NRAP: variants seen among roughly 807,000 people sequenced by gnomAD.
NRAP encodes the protein nebulin related anchoring protein, also known as nebulin-related-anchoring protein.
Under a neutral mutation model 225.9 loss-of-function variants are expected in NRAP, and 189 were observed. That is an observed-to-expected ratio of 0.84 (90% CI 0.74 to 0.94). The LOEUF (loss-of-function observed/expected upper bound fraction) is 0.94, where lower values mean the gene tolerates loss of function less well. Among genes scored for constraint, NRAP ranks in the 40% least tolerant of loss-of-function variants. The pLI is 0.00. For synonymous variants in NRAP, 769 were observed against 790.7 expected (o/e 0.97, Z 0.46); for missense variants, 2,176 against 2,168.7 (o/e 1.00, Z -0.07).
chr10:113,593,587 C>G lies in NRAP; in HGVS notation c.4537-1286G>C, dbSNP rs138646615. ...TGGGATAATCACCTAACTGATGAAT[C>G]ACAGAGCCAAAATGATTAGATTTAC... On this transcript the variant is annotated intron_variant, in intron 38 of 41. Transcript: ENST00000359988. 6.1e-4 allele frequency among the ~76,000 whole-genome samples: 93 copies of G among 152,316 alleles called. 1 individual carries two copies. Among genetic ancestry groups the G allele is most frequent in the African/African-American group, 2.2e-3 (91 of 41,568 alleles).
intron 18 of NRAP, among the ~76,000 whole-genome samples, chr10:113,630,356 T>C (rs1017125376): frequency 1.3e-4 from 20 of 152,184 alleles, no homozygotes; most frequent in Admixed American, 1.2e-3. Flanking sequence ...GTGGTGATGG[T>C]AGTGATGATG....
At chr10:113,643,963 G>A (rs1031971374) in intron 11 of NRAP, among the ~76,000 whole-genome samples, 3 of 151,466 alleles carry the variant, frequency 2.0e-5, no homozygotes, top group South Asian at 2.1e-4. Flanking sequence ...GCCAGCAGAC[G>A]GGGTTTCACC....
At chr10:113,639,155 G>T (rs1021187422) in intron 14 of NRAP, among the ~76,000 whole-genome samples, 3 of 93,790 alleles carry the variant, frequency 3.2e-5, no homozygotes, top group Non-Finnish European at 5.1e-5. Flanking sequence ...TTTGTGAAAT[G>T]AGTAAGTCAA....
At chr10:113,624,001 C>T (rs939606415) in intron 22 of NRAP, among the ~76,000 whole-genome samples, 19 of 152,184 alleles carry the variant, frequency 1.2e-4, no homozygotes, top group Admixed American at 1.2e-3. Flanking sequence ...CTGCCAGCAG[C>T]GGCTCCAGCT....
rs1845756435 is a variant in NRAP at position 113,589,009 on chromosome 10, A to G, written c.5159T>C (p.Leu1720Pro). 6.2e-7 allele frequency: 1 copy of G among 1,613,928 alleles called. No homozygotes were observed. Among genetic ancestry groups the G allele is most frequent in the South Asian group, 1.1e-5 (1 of 91,064 alleles). ...GEVNPDATEI[L>P]HVKKKKALLL Reference sequence around the variant, plus strand: ...CAGGGCCTTCTTCTTTTTGACGTGCAGAATCTCAGTGGCATCTGGGTTCAC... The same window carrying G: ...CAGGGCCTTCTTCTTTTTGACGTGCGGAATCTCAGTGGCATCTGGGTTCAC... The change falls in exon 42 of 42, where the codon CTG becomes CCG. Residue 1720 changes from leucine (L) to proline (P), a missense_variant. Coordinates refer to ENST00000359988, the MANE Select transcript of NRAP (RefSeq NM_198060.4).
At chr10:113,608,351 G>T in intron 32 of NRAP, 63 bp downstream of exon 32, 1 of 980,672 alleles carries the variant, frequency 1.0e-6, no homozygotes. Flanking sequence ...ACACATTCAC[G>T]TGTATTTTTA....
At chr10:113,656,481 C>T (rs892121119) in intron 4 of NRAP, among the ~76,000 whole-genome samples, 1 of 152,190 alleles carries the variant, frequency 6.6e-6, no homozygotes, top group Non-Finnish European at 1.5e-5. Context: ...GTGTCCTTAA[C>T]CTTGGCAAAA....
At chr10:113,644,369 C>A (rs1849381020) in intron 11 of NRAP, among the ~76,000 whole-genome samples, 1 of 152,136 alleles carries the variant, frequency 6.6e-6, no homozygotes, top group African/African-American at 2.4e-5. Flanking sequence ...GGCCAGCAAA[C>A]TTTTTCTATA....
chr10:113,604,432 A>C (rs1233504338), intron 35 of NRAP, among the ~76,000 whole-genome samples, 177 bp downstream of exon 35: 3 of 152,154 alleles, frequency 2.0e-5, no homozygotes. Flanking sequence ...AGATTAGTTG[A>C]ATGATTCAAT....
intron 9 of NRAP, among the ~76,000 whole-genome samples, chr10:113,649,228 G>A (rs1305171253): frequency 6.6e-6 from 1 of 152,220 alleles, no homozygotes; most frequent in Non-Finnish European, 1.5e-5. Context: ...CTATGGCAAT[G>A]TGTCTTTCTA....
chr10:113,659,771 C>CA (rs1195211378), intron 3 of NRAP, among the ~76,000 whole-genome samples: 1 of 152,138 alleles, frequency 6.6e-6, no homozygotes, highest in Non-Finnish European at 1.5e-5. Flanking sequence ...ATTTAGGAGA[C>CA]AAAAAACCTG....
intron 38 of NRAP, among the ~76,000 whole-genome samples, chr10:113,594,744 A>G (rs1846189000): frequency 6.6e-6 from 1 of 152,192 alleles, no homozygotes; most frequent in Non-Finnish European, 1.5e-5. Flanking sequence ...AAACGCAACA[A>G]ACTAATACAC....
At chr10:113,657,672 C>G (rs1426310656) in intron 3 of NRAP, 98 bp from the exon 4 acceptor site, 6 of 741,302 alleles carry the variant, frequency 8.1e-6, no homozygotes, top group Middle Eastern at 2.5e-4. Flanking sequence ...TTTGCTAAGT[C>G]TCAACTGCAA....
intron 18 of NRAP, among the ~76,000 whole-genome samples, chr10:113,630,612 A>G (rs1180713535): frequency 3.3e-5 from 5 of 152,180 alleles, no homozygotes; most frequent in African/African-American, 1.2e-4. Flanking sequence ...TGGGAAAGAC[A>G]CAGTCTTTTT....
In NRAP at chr10:113,640,280, C is replaced by T. The variant is rs373714718; in HGVS notation, c.1375G>A (p.Ala459Thr). The change falls in exon 14 of 42, where the codon GCC (alanine) becomes ACC (threonine). Residue 459 changes from alanine to threonine, a missense_variant. Around this residue, in one of 3 missense-constraint regions of NRAP, gnomAD observed 1,708 missense variants for 1,695.5 expected, o/e 1.01. Coordinates refer to ENST00000359988, the MANE Select transcript of NRAP (RefSeq NM_198060.4). Reference sequence around the variant, plus strand: ...GTTTGATAGGAAGGCGTGAGAGTGGCTGGGTAGTTGTAGTCGACAATATCA... The same window carrying T: ...GTTTGATAGGAAGGCGTGAGAGTGGTTGGGTAGTTGTAGTCGACAATATCA... Reference protein sequence around the residue: ...KHDIVDYNYPATLTPSYQTAM... With the variant: ...KHDIVDYNYPTTLTPSYQTAM... 3 of 1,604,066 alleles carry T rather than the reference C, an allele frequency of 1.9e-6. No individual in the cohort carries two copies. Among genetic ancestry groups the T allele is most frequent in the Admixed American group, 1.7e-5 (1 of 58,264 alleles).
chr10:113,660,051 A>AACACACACACACACACACACAC (rs142938392), intron 3 of NRAP, among the ~76,000 whole-genome samples: 5 of 144,336 alleles, frequency 3.5e-5, no homozygotes, highest in African/African-American at 1.3e-4. Flanking sequence ...CTCAGTAGAC[A>AACACACACACACACACACACAC]ACACACACAC....
At chr10:113,611,726 CT>C (rs746148748) in intron 30 of NRAP, among the ~76,000 whole-genome samples, 4 of 152,192 alleles carry the variant, frequency 2.6e-5, no homozygotes, top group Non-Finnish European at 5.9e-5. Context: ...CTTAGCCCTC[CT>C]CAGAAGGCGG....
At position 113,606,295 on chromosome 10, in the gene NRAP, A is replaced by G; in HGVS notation, c.3703-13T>C. The G allele has an allele frequency of 6.8e-7, 1 of 1,461,518 alleles. No homozygotes were observed. The highest frequency in any genetic ancestry group is 9.6e-7 in the Non-Finnish European group (1 of 1,041,144). 90.5% of individuals were successfully genotyped at this position (1,461,518 alleles called of 1,614,324 possible). ...CTTTATAGAGGCGCTAGGCCAAAAA[A>G]ATATAATAATAATAATGCAAGAGAT... On this transcript the variant is annotated splice_polypyrimidine_tract_variant and intron_variant, in intron 32 of 41. Transcript: ENST00000359988.
chr10:113,589,966 C>T (rs1845858337), intron 40 of NRAP, among the ~76,000 whole-genome samples, 169 bp from the exon 41 acceptor site: 1 of 152,224 alleles, frequency 6.6e-6, no homozygotes, highest in African/African-American at 2.4e-5. Context: ...CTCCCTGGCA[C>T]AGGGGCCGCA....
Sources: gnomAD v4.1 joint callset for allele counts (sites outside exome capture counted in the v4.1 genomes callset) on GRCh38, gnomAD v4.1.1 for gene constraint, gnomAD v4.1.1 regional missense constraint, MANE v1.5 for transcripts, NCBI Gene and HGNC (gene_info 2026-07-23, HGNC 2026-07-21) for gene names.